The following UMAD1 variants were observed in gnomAD, a reference collection of about 807,000 sequenced individuals.
The protein encoded by UMAD1 is UBAP1-MVB12-associated (UMA)-domain containing protein 1.
Under a neutral mutation model 6.1 loss-of-function variants are expected in UMAD1, and 8 were observed. That is an observed-to-expected ratio of 1.30 (90% CI 0.76 to 2.35). The LOEUF (loss-of-function observed/expected upper bound fraction) is 2.35, where lower values mean the gene tolerates loss of function less well. Among genes scored for constraint, UMAD1 ranks in the 30% most tolerant of loss-of-function variants. UMAD1 has a pLI of 0.00. For synonymous variants in UMAD1, 56 were observed against 31.4 expected (o/e 1.78, Z -2.61); for missense variants, 130 against 78.4 (o/e 1.66, Z -2.49).
At chr7:7,647,919 T>C (rs1785133898) in intron 1 of UMAD1, among the ~76,000 whole-genome samples, 1 of 152,164 alleles carries the variant, frequency 6.6e-6, no homozygotes, top group Non-Finnish European at 1.5e-5. Flanking sequence ...TTTAAAGTTT[T>C]TGTTGTTGTT....
chr7:7,826,254 G>C (rs1258395664), intron 3 of UMAD1, among the ~76,000 whole-genome samples: 1 of 152,118 alleles, frequency 6.6e-6, no homozygotes, highest in African/African-American at 2.4e-5. Context: ...TTAGGCAATT[G>C]AGGGCTGATA....
intron 2 of UMAD1, among the ~76,000 whole-genome samples, chr7:7,750,636 T>A (rs73352796): frequency 0.053 from 8,004 of 152,238 alleles, 657 homozygotes; most frequent in African/African-American, 0.18. Context: ...GTTACAAACA[T>A]GAATTCATGT....
At chr7:7,828,578 G>A (rs1483285490) in intron 3 of UMAD1, among the ~76,000 whole-genome samples, 4 of 152,224 alleles carry the variant, frequency 2.6e-5, no homozygotes, top group African/African-American at 9.6e-5. Context: ...ACTTCTGTGT[G>A]TACACACGCA....
intron 1 of UMAD1, among the ~76,000 whole-genome samples, chr7:7,659,252 C>A (rs1332444038): frequency 6.6e-6 from 1 of 152,050 alleles, no homozygotes; most frequent in Non-Finnish European, 1.5e-5. Context: ...TTTAAAAAAG[C>A]CAGCTCCTGG....
At chr7:7,824,868 T>C (rs1341772807) in intron 3 of UMAD1, among the ~76,000 whole-genome samples, 1 of 152,176 alleles carries the variant, frequency 6.6e-6, no homozygotes, top group Non-Finnish European at 1.5e-5. Context: ...TTCACATCAA[T>C]TGGTGAATAG....
At chr7:7,646,735 G>T (rs1049648269) in intron 1 of UMAD1, among the ~76,000 whole-genome samples, 1 of 151,930 alleles carries the variant, frequency 6.6e-6, no homozygotes, top group Non-Finnish European at 1.5e-5. Flanking sequence ...CTGTCCCATG[G>T]CCAATCTCCT....
intron 2 of UMAD1, among the ~76,000 whole-genome samples, chr7:7,677,676 T>TGG (rs1779780246): frequency 7.3e-6 from 1 of 137,368 alleles, no homozygotes; most frequent in African/African-American, 2.8e-5. Flanking sequence ...TTTTTTTTTT[T>TGG]TTTTTTTTTT....
intron 3 of UMAD1, among the ~76,000 whole-genome samples, chr7:7,817,017 G>A (rs1297135924): frequency 6.6e-6 from 1 of 152,160 alleles, no homozygotes; most frequent in Non-Finnish European, 1.5e-5. Context: ...TCGTGGTCTG[G>A]TCCTGCTCCT....
At chr7:7,826,456 T>C (rs1783343475) in intron 3 of UMAD1, among the ~76,000 whole-genome samples, 1 of 152,166 alleles carries the variant, frequency 6.6e-6, no homozygotes. Context: ...GATAAAACTT[T>C]AGGTAAATTC....
chr7:7,750,791 T>A (rs1165643672), intron 2 of UMAD1, among the ~76,000 whole-genome samples: 1 of 152,238 alleles, frequency 6.6e-6, no homozygotes, highest in Non-Finnish European at 1.5e-5. Flanking sequence ...CCAGTCAGTT[T>A]GGCTGCAGAG....
At chr7:7,717,042 T>C (rs1370270723) in intron 2 of UMAD1, among the ~76,000 whole-genome samples, 1 of 150,842 alleles carries the variant, frequency 6.6e-6, no homozygotes, top group Non-Finnish European at 1.5e-5. Context: ...TTTTTCCTTT[T>C]TCTTTCTTTC....
At chr7:7,748,650 A>G (rs115404259) in intron 2 of UMAD1, among the ~76,000 whole-genome samples, 1,881 of 152,218 alleles carry the variant, frequency 0.012, 45 homozygotes, top group African/African-American at 0.043. Flanking sequence ...TTACACATTT[A>G]CCAAATTCCC....
In UMAD1 at chr7:7,718,317, C is replaced by T. The variant is rs149198919; in HGVS notation, c.82+44864C>T. 2.6e-3 allele frequency among the ~76,000 whole-genome samples: 392 copies of T among 152,200 alleles called. 1 individual carries two copies. The highest frequency in any genetic ancestry group is 4.3e-3 in the Non-Finnish European group (292 of 67,996). ...TATTTTGATATTTTTATAATGCCAT[C>T]GATGATACTGTATGCATAGTGAGGG... On this transcript the variant is annotated intron_variant, in intron 2 of 3. Coordinates refer to ENST00000682710, the MANE Select transcript of UMAD1 (RefSeq NM_001302348.2).
intron 2 of UMAD1, among the ~76,000 whole-genome samples, chr7:7,776,054 C>CTAAT (rs146236004): frequency 0.08 from 12,215 of 152,146 alleles, 535 homozygotes; most frequent in Non-Finnish European, 0.093. Context: ...TTGTTATACA[C>CTAAT]TATACCAAAA....
chr7:7,663,845 TCTC>T (rs1785537744), intron 1 of UMAD1, among the ~76,000 whole-genome samples: 1 of 152,180 alleles, frequency 6.6e-6, no homozygotes, highest in African/African-American at 2.4e-5. Context: ...ATACAACTGA[TCTC>T]CTATTCCTAC....
intron 2 of UMAD1, among the ~76,000 whole-genome samples, chr7:7,710,362 A>G (rs1780724264): frequency 6.6e-6 from 1 of 152,202 alleles, no homozygotes. Context: ...CAGCAGTAAA[A>G]AACAAAAAAC....
intron 3 of UMAD1, among the ~76,000 whole-genome samples, chr7:7,851,587 A>T (rs1055297514): frequency 5.3e-5 from 8 of 152,180 alleles, no homozygotes; most frequent in Non-Finnish European, 7.3e-5. Flanking sequence ...CTTCTTGATT[A>T]TAACCATCCT....
intron 2 of UMAD1, among the ~76,000 whole-genome samples, chr7:7,718,283 C>T (rs1379477985): frequency 1.3e-5 from 2 of 152,140 alleles, no homozygotes. Flanking sequence ...TTTATTTTAA[C>T]CATAAAACTA....
At chr7:7,792,310 A>G (rs1307060273) in intron 2 of UMAD1, among the ~76,000 whole-genome samples, 1 of 152,186 alleles carries the variant, frequency 6.6e-6, no homozygotes, top group Admixed American at 6.5e-5. Context: ...AACAGTTGTC[A>G]ACAGAATCCT....
Sources: allele counts gnomAD v4.1 joint callset (sites outside exome capture counted in the v4.1 genomes callset), GRCh38; gene constraint gnomAD v4.1.1; transcripts MANE v1.5; gene names NCBI Gene and HGNC (gene_info 2026-07-23, HGNC 2026-07-21).